Variants in RPTOR observed in about 807,000 individuals in gnomAD.
RPTOR encodes regulatory-associated protein of mTOR.
Under a neutral mutation model 169.9 loss-of-function variants are expected in RPTOR, and 21 were observed. The ratio of observed to expected loss-of-function variants is 0.12; its 90% CI spans 0.09 to 0.18. RPTOR has a LOEUF of 0.18. RPTOR is among the 10% of genes least tolerant of loss of function. RPTOR has a pLI of 1.00. For synonymous variants in RPTOR, 732 were observed against 753.2 expected (o/e 0.97, Z 0.46); for missense variants, 1,133 against 1,855.9 (o/e 0.61, Z 7.16).
chr17:80,812,000 A>G (rs1015760859), intron 7 of RPTOR, among the ~76,000 whole-genome samples: 4 of 152,026 alleles, frequency 2.6e-5, no homozygotes, highest in Non-Finnish European at 4.4e-5. Context: ...CAAGGCCTCG[A>G]CCTCACTGTA....
chr17:80,965,307 G>T lies in RPTOR; in HGVS notation c.*977G>T. On this transcript the variant is annotated 3_prime_UTR_variant, in exon 34 of 34. Transcript: ENST00000306801. ...TGGTCTCCCTGCTCTGTCCCCACAC[G>T]TTCCTCACATACAGGCAAGAGGCAC... is the stretch of plus-strand genomic sequence containing the variant. 1 of 233,344 alleles carries T rather than the reference G, an allele frequency of 4.3e-6. No homozygotes were observed. 14.5% of individuals were successfully genotyped at this position (233,344 alleles called of 1,614,324 possible).
chr17:80,784,199 C>T (rs1336785449), intron 6 of RPTOR, among the ~76,000 whole-genome samples: 1 of 151,726 alleles, frequency 6.6e-6, no homozygotes, highest in African/African-American at 2.4e-5. Context: ...AGTGATCCTC[C>T]TGCCTTGGGC....
At position 80,966,117 on chromosome 17, in the gene RPTOR, A is replaced by ACCCCCCCCCCCCCCCCCC. The variant is rs55752459; in HGVS notation, c.*1796_*1797insCCCCCCCCCCCCCCCCCC. On this transcript the variant is annotated 3_prime_UTR_variant, in exon 34 of 34. Transcript: ENST00000306801. ...GGCAGGTGGCTCCAGAGGGGTCAAG[A>ACCCCCCCCCCCCCCCCCC]CCCCCCCCCGCCCCCGCTCCACCCT... The ACCCCCCCCCCCCCCCCCC allele has an allele frequency of 1.5e-4, 27 of 175,604 alleles. No individual in the cohort carries two copies. The highest frequency in any genetic ancestry group is 4.2e-4 in the African/African-American group (14 of 33,108). 10.9% of individuals were successfully genotyped at this position (175,604 alleles called of 1,614,324 possible). A position where few individuals can be genotyped will look rare whatever the true frequency, so the allele number is the denominator to read the frequency against.
At position 80,962,921 on chromosome 17, in the gene RPTOR, C is replaced by G; in HGVS notation, c.3810-7C>G. 1 of 1,613,516 alleles carries G rather than the reference C, an allele frequency of 6.2e-7. No homozygotes were observed. Among genetic ancestry groups the G allele is most frequent in the Non-Finnish European group, 8.5e-7 (1 of 1,179,906 alleles). On this transcript the variant is annotated splice_region_variant and splice_polypyrimidine_tract_variant and intron_variant, in intron 32 of 33. Coordinates refer to ENST00000306801, the MANE Select transcript of RPTOR (RefSeq NM_020761.3). ...CAGTGATGCCGGGACCCTTTCTCTC[C>G]CCACAGTGGCTCCGTCAATCAGTTC...
chr17:80,776,720 A>C (rs1440065864), intron 6 of RPTOR, among the ~76,000 whole-genome samples: 1 of 152,236 alleles, frequency 6.6e-6, no homozygotes, highest in Non-Finnish European at 1.5e-5. Flanking sequence ...ATTTTCAGAG[A>C]GAAAATGTTC....
At chr17:80,955,688 C>T (rs922731963) in intron 28 of RPTOR, among the ~76,000 whole-genome samples, 7 of 152,002 alleles carry the variant, frequency 4.6e-5, no homozygotes, top group South Asian at 2.1e-4. Flanking sequence ...TGAAAAAAAA[C>T]GGCAAACACC....
At chr17:80,916,155 T>C (rs924210297) in intron 21 of RPTOR, among the ~76,000 whole-genome samples, 1 of 152,182 alleles carries the variant, frequency 6.6e-6, no homozygotes, top group Non-Finnish European at 1.5e-5. Context: ...GCCCCTTGCT[T>C]GCCACTTTGC....
intron 2 of RPTOR, among the ~76,000 whole-genome samples, chr17:80,634,970 A>G (rs1000237493): frequency 9.9e-5 from 15 of 152,124 alleles, no homozygotes; most frequent in African/African-American, 2.7e-4. Flanking sequence ...CTCTGTACAC[A>G]TTTGTCTCAG....
chr17:80,952,784 C>G (rs1356020868), intron 28 of RPTOR, among the ~76,000 whole-genome samples: 1 of 151,748 alleles, frequency 6.6e-6, no homozygotes, highest in Admixed American at 6.6e-5. Flanking sequence ...CTGCTGCCCC[C>G]CAAGTGACCA....
chr17:80,923,528 T>C lies in RPTOR; in HGVS notation c.2663T>C (p.Leu888Pro), dbSNP rs1480551850. 4 of 1,613,244 alleles carry C rather than the reference T, an allele frequency of 2.5e-6. No individual in the cohort carries two copies. Among genetic ancestry groups the C allele is most frequent in the Non-Finnish European group, 3.4e-6 (4 of 1,179,990 alleles). ...PPASSTSSSSLTNDVAKQPVS... is the reference protein window; with the variant it reads ...PPASSTSSSSPTNDVAKQPVS... ...GCGTCCAGCACCAGCAGCTCCAGCC[T>C]GACCAACGATGTGGCCAAGCAGCCG... Residue 888 changes from leucine to proline, a missense_variant, in exon 23 of 34, where the codon CTG becomes CCG. Leu to Pro is a moderately conservative substitution (Grantham distance 98). Coordinates refer to ENST00000306801, the MANE Select transcript of RPTOR (RefSeq NM_020761.3).
At chr17:80,922,924 C>T in intron 22 of RPTOR, 97 bp downstream of exon 22, 1 of 1,035,982 alleles carries the variant, frequency 9.7e-7, no homozygotes, top group Admixed American at 2.4e-5. Flanking sequence ...TCCTCCTTCC[C>T]CGCCCTGTCT....
chr17:80,727,028 C>T (rs1598260209), intron 4 of RPTOR, among the ~76,000 whole-genome samples: 1 of 152,112 alleles, frequency 6.6e-6, no homozygotes, highest in African/African-American at 2.4e-5. Context: ...CCTCTGACCA[C>T]GTCACGCTGC....
chr17:80,966,283 C>T lies in RPTOR; in HGVS notation c.*1953C>T, dbSNP rs1197958204. 1.7e-5 allele frequency: 4 copies of T among 232,196 alleles called. No individual in the cohort carries two copies. The highest frequency in any genetic ancestry group is 1.2e-4 in the East Asian group (2 of 16,492). 14.4% of individuals were successfully genotyped at this position (232,196 alleles called of 1,614,324 possible). On this transcript the variant is annotated 3_prime_UTR_variant, in exon 34 of 34. Transcript: ENST00000306801. ...CATTATCTATTTATTTTACCAAACG[C>T]GAATTGAGACGGACTTTGACAAAAC... is the stretch of plus-strand genomic sequence containing the variant.
chr17:80,705,244 G>A (rs777015253), intron 3 of RPTOR, among the ~76,000 whole-genome samples: 2 of 152,246 alleles, frequency 1.3e-5, no homozygotes, highest in African/African-American at 2.4e-5. Context: ...AGTCTCCTTC[G>A]TGACTCTGCT....
intron 17 of RPTOR, among the ~76,000 whole-genome samples, chr17:80,885,455 A>T (rs1173415186): frequency 1.3e-5 from 2 of 150,120 alleles, no homozygotes; most frequent in Non-Finnish European, 1.5e-5. Context: ...GCAGCCACCC[A>T]CAGATGGCGG....
intron 5 of RPTOR, among the ~76,000 whole-genome samples, chr17:80,753,031 A>C (rs563002620): frequency 6.6e-6 from 1 of 152,310 alleles, no homozygotes; most frequent in Non-Finnish European, 1.5e-5. Flanking sequence ...TACTTTAAAG[A>C]GAGATTAAAT....
intron 5 of RPTOR, among the ~76,000 whole-genome samples, chr17:80,744,205 T>C (rs150892355): frequency 0.019 from 15 of 778 alleles, 1 homozygote; most frequent in East Asian, 0.12. Context: ...ACAGCCCTGG[T>C]TACTAGCACT....
intron 1 of RPTOR, among the ~76,000 whole-genome samples, chr17:80,620,702 G>A (rs1359985618): frequency 6.6e-6 from 1 of 152,238 alleles, no homozygotes; most frequent in African/African-American, 2.4e-5. Flanking sequence ...GGAGGTGGAG[G>A]TTGCGGTGAG....
chr17:80,810,391 G>T (rs1567924275), intron 7 of RPTOR, among the ~76,000 whole-genome samples: 1 of 148,300 alleles, frequency 6.7e-6, no homozygotes, highest in Non-Finnish European at 1.5e-5. Context: ...AGCACTGTTT[G>T]TGGAAGAGGC....
Sources: allele counts gnomAD v4.1 joint callset (sites outside exome capture counted in the v4.1 genomes callset), GRCh38; gene constraint gnomAD v4.1.1; transcripts MANE v1.5; gene names NCBI Gene and HGNC (gene_info 2026-07-23, HGNC 2026-07-21).